The following DENND3 variants were observed in gnomAD, a reference collection of about 807,000 sequenced individuals.
DENND3 encodes the protein DENN domain containing 3.
DENND3 carries 88 observed loss-of-function variants against 135.1 expected under a neutral mutation model. The observed-to-expected ratio is 0.65, with a 90% CI of 0.55 to 0.78. The LOEUF (loss-of-function observed/expected upper bound fraction) is 0.78. Ranked by LOEUF, DENND3 falls within the 30% of genes least tolerant of loss-of-function variation. DENND3 has a pLI of 0.00. For synonymous variants in DENND3, 693 were observed against 712.3 expected, an observed-to-expected ratio of 0.97 and a Z score of 0.43; for missense variants, 1,392 against 1,688.4, an observed-to-expected ratio of 0.82 and a Z score of 3.08.
intron 5 of DENND3, chr8:141,150,172 C>T (rs932817208): frequency 1.7e-5 from 7 of 420,978 alleles, no homozygotes; most frequent in East Asian, 8.2e-5. Flanking sequence ...GGGCCTCCCA[C>T]GTGCCAGCAC....
chr8:141,132,549 G>T (rs1816259425), intron 1 of DENND3, among the ~76,000 whole-genome samples: 1 of 152,022 alleles, frequency 6.6e-6, no homozygotes, highest in South Asian at 2.1e-4. Flanking sequence ...TAGAGAGGGG[G>T]TTTCTCCATG....
rs1291028092 is a variant in DENND3 at position 141,137,156 on chromosome 8, C to T, written c.385+365C>T. Among the ~76,000 whole-genome samples the T allele has an allele frequency of 1.3e-5, 2 of 151,984 alleles. No individual in the cohort carries two copies. Among genetic ancestry groups the T allele is most frequent in the African/African-American group, 4.8e-5 (2 of 41,452 alleles). ...CACCACGCCTGGCTAACTTTTGTGT[C>T]TTTAGTAGAAATGGGGTTTCACCAT... On this transcript the variant is annotated intron_variant, in intron 2 of 22. Transcript: ENST00000519811. The surrounding 1 kb of genome is among the most constrained non-coding windows in gnomAD (Gnocchi z 4.1).
chr8:141,133,534 C>A (rs1816408633), intron 1 of DENND3, among the ~76,000 whole-genome samples: 1 of 152,186 alleles, frequency 6.6e-6, no homozygotes, highest in Admixed American at 6.5e-5. Flanking sequence ...GAGGCAGCAT[C>A]TTCCTCCTTC....
In DENND3 at chr8:141,166,488, G is replaced by A. The variant is rs563057676; in HGVS notation, c.1753+99G>A. 5.4e-5 allele frequency: 69 copies of A among 1,276,336 alleles called. No homozygotes were observed. The East Asian group carries it at 1.7e-3, about 31-fold the overall frequency. 79.1% of individuals were successfully genotyped at this position (1,276,336 alleles called of 1,614,324 possible). A position where few individuals can be genotyped will look rare whatever the true frequency, so the allele number is the denominator to read the frequency against. On this transcript the variant is annotated intron_variant, in intron 12 of 22. Transcript: ENST00000519811. This position sits in a 1 kb window ranked among gnomAD's most constrained non-coding sequence, Gnocchi z 4.3. Reference sequence around the variant, plus strand: ...CTGGGACTTGTTTCAGGAGAGACGAGTGGGCTTGTTTTAGCAGCTGAGTTA... The same window carrying A: ...CTGGGACTTGTTTCAGGAGAGACGAATGGGCTTGTTTTAGCAGCTGAGTTA...
chr8:141,171,971 A>C (rs1381615378), intron 13 of DENND3, among the ~76,000 whole-genome samples: 1 of 141,100 alleles, frequency 7.1e-6, no homozygotes, highest in Non-Finnish European at 1.5e-5. Flanking sequence ...GGTAGGTGTG[A>C]ACAGTGGGTG....
In DENND3 at chr8:141,165,867, C is replaced by T. The variant is rs535228067; in HGVS notation, c.1554-323C>T. On this transcript the variant is annotated intron_variant, in intron 11 of 22. Coordinates refer to ENST00000519811, the MANE Select transcript of DENND3 (RefSeq NM_001352890.3). The stretch of plus-strand genomic sequence containing the variant: ...CCTCGGTGCTGCTCTCTCTCATCTC[C>T]TTTCTCTCTTCCCACCTCCCCCCAT... Among the ~76,000 whole-genome samples, 8 of 152,260 alleles carry T rather than the reference C, an allele frequency of 5.3e-5. No homozygotes were observed. The South Asian group carries it at 1.5e-3, about 28-fold the overall frequency.
intron 1 of DENND3, among the ~76,000 whole-genome samples, chr8:141,129,018 C>T (rs1041400308): frequency 4.6e-5 from 7 of 152,220 alleles, no homozygotes; most frequent in African/African-American, 1.7e-4. Flanking sequence ...GCTCCCCTCC[C>T]CTCTTCTCTC....
In DENND3 at chr8:141,151,720, GCTGCAGTGGCAGCACCC is replaced by G; in HGVS notation, c.960_976del (p.Gln321ArgfsTer43). ...AGTGCTTCATGGCCTACCTGTATCC[GCTGCAGTGGCAGCACCC>G]CTTCGTGCCCATCCTGTCGGACCAG... On this transcript the variant is annotated frameshift_variant, in exon 7 of 23. Coordinates refer to ENST00000519811, the MANE Select transcript of DENND3 (RefSeq NM_001352890.3). LOFTEE classifies it high-confidence loss of function. 6.2e-7 allele frequency: 1 copy of G among 1,614,160 alleles called. No individual in the cohort carries two copies. Among genetic ancestry groups the G allele is most frequent in the East Asian group, 2.2e-5 (1 of 44,882 alleles).
intron 8 of DENND3, among the ~76,000 whole-genome samples, chr8:141,160,351 G>T (rs1276844052): frequency 6.6e-6 from 1 of 151,936 alleles, no homozygotes; most frequent in Non-Finnish European, 1.5e-5. Flanking sequence ...GCTAATTTTT[G>T]TATTTTTAGT....
Position 141,168,217 on chromosome 8 carries a change from C to T in DENND3, c.1967C>T (p.Ala656Val). 1 of 1,614,180 alleles carries T rather than the reference C, an allele frequency of 6.2e-7. No individual in the cohort carries two copies. The highest frequency in any genetic ancestry group is 8.5e-7 in the Non-Finnish European group (1 of 1,180,042). ...VYLMQGQLLNALLDFQNLYKT... is the reference protein window; with the variant it reads ...VYLMQGQLLNVLLDFQNLYKT... ...CTGATGCAGGGACAGCTGCTGAACG[C>T]CCTCTTGGACTTCCAGAATCTGTAT... Residue 656 changes from alanine (A) to valine (V), a missense_variant, in exon 13 of 23, where the codon GCC (alanine) becomes GTC (valine). Physicochemically the swap from Ala to Val is moderately conservative, Grantham distance 64. Coordinates refer to ENST00000519811, the MANE Select transcript of DENND3 (RefSeq NM_001352890.3). This position sits in a 1 kb window ranked among gnomAD's most constrained non-coding sequence, Gnocchi z 6.2.
chr8:141,151,530 CA>C, intron 6 of DENND3, 88 bp from the exon 7 acceptor site: 1 of 1,291,560 alleles, frequency 7.7e-7, no homozygotes, highest in Non-Finnish European at 1.1e-6. Context: ...CACTGCACTC[CA>C]GCCTGGGCTG....
At chr8:141,131,732 G>A (rs1240587288) in intron 1 of DENND3, among the ~76,000 whole-genome samples, 1 of 152,228 alleles carries the variant, frequency 6.6e-6, no homozygotes, top group African/African-American at 2.4e-5. Context: ...GTAAATTAGA[G>A]TGTTCTGGTT....
chr8:141,192,253 G>A, intron 20 of DENND3, 78 bp from the exon 21 acceptor site: 10 of 1,567,284 alleles, frequency 6.4e-6, no homozygotes, highest in Admixed American at 3.5e-5. Flanking sequence ...GGAAAGAGCA[G>A]TGAGGCCGGC....
chr8:141,163,251 C>A (rs1304623820), intron 9 of DENND3, 82 bp from the exon 10 acceptor site: 1 of 742,612 alleles, frequency 1.3e-6, no homozygotes, highest in Non-Finnish European at 2.2e-6. Flanking sequence ...TCTCTTCTAA[C>A]CATTTCTCTG....
In DENND3 at chr8:141,180,784, G is replaced by A. The variant is rs1165442031; in HGVS notation, c.2874G>A (p.Leu958=). Residue 958 remains leucine, a synonymous_variant, in exon 17 of 23, where the codon CTG becomes CTA. Coordinates refer to ENST00000519811, the MANE Select transcript of DENND3 (RefSeq NM_001352890.3). The part of the protein sequence containing the change: ...MTLPETTLET[L]KHKINPSAGE... ...TTCCGGAGACAACCCTGGAAACACT[G>A]AAGCATAAAATCAACCCCTCGGCGG... is the stretch of plus-strand genomic sequence containing the variant. The A allele has an allele frequency of 6.2e-7, 1 of 1,613,676 alleles. No homozygotes were observed. Among genetic ancestry groups the A allele is most frequent in the East Asian group, 2.2e-5 (1 of 44,872 alleles).
intron 9 of DENND3, among the ~76,000 whole-genome samples, chr8:141,161,071 ACCTTACT>A (rs1360486943): frequency 0.02 from 356 of 17,666 alleles, 3 homozygotes; most frequent in Admixed American, 0.12. Context: ...GTGCCTTACT[ACCTTACT>A]AACGCCCTCT....
intron 17 of DENND3, 197 bp from the exon 18 acceptor site, chr8:141,184,942 C>G (rs1823701295): frequency 1.0e-5 from 6 of 590,740 alleles, no homozygotes; most frequent in Admixed American, 3.2e-5. Context: ...GCCCTCTCAC[C>G]AGCCAGCTGC....
At chr8:141,145,993 C>T (rs897729258) in intron 5 of DENND3, among the ~76,000 whole-genome samples, 1 of 151,024 alleles carries the variant, frequency 6.6e-6, no homozygotes, top group Admixed American at 6.6e-5. Flanking sequence ...GGATTACAGG[C>T]GCGTGCCACC....
chr8:141,147,161 T>C (rs307758), intron 5 of DENND3, among the ~76,000 whole-genome samples: 37,466 of 152,060 alleles, frequency 0.25, 7,143 homozygotes, highest in African/African-American at 0.51. Flanking sequence ...CTACCTTCAG[T>C]GTTCCTTTCC....
Sources: gnomAD v4.1 joint callset for allele counts (sites outside exome capture counted in the v4.1 genomes callset) on GRCh38, gnomAD v4.1.1 for gene constraint, Gnocchi (gnomAD v3.1) non-coding constraint, MANE v1.5 for transcripts, NCBI Gene and HGNC (gene_info 2026-07-23, HGNC 2026-07-21) for gene names.